Variants in SERINC5 observed in about 807,000 individuals in gnomAD.
The protein encoded by SERINC5 is serine incorporator 5.
In SERINC5, 41 loss-of-function variants were observed where a neutral mutation model predicts 63.1. That is an observed-to-expected ratio of 0.65 (90% CI 0.51 to 0.84). The LOEUF is 0.84. Ranked by LOEUF, SERINC5 falls within the 40% of genes least tolerant of loss-of-function variation. The pLI is 0.00. For missense variants in SERINC5, 523 were observed against 573.0 expected (o/e 0.91, Z 0.89); for synonymous variants, 222 against 215.2 (o/e 1.03, Z -0.28).
intron 1 of SERINC5, among the ~76,000 whole-genome samples, chr5:80,229,151 G>A (rs1751315530): frequency 6.8e-6 from 1 of 147,368 alleles, no homozygotes; most frequent in Non-Finnish European, 1.5e-5. Context: ...AGCCTCCCCA[G>A]TAGCTAGGAT....
At chr5:80,210,377 C>T (rs955706418) in intron 1 of SERINC5, among the ~76,000 whole-genome samples, 12 of 152,112 alleles carry the variant, frequency 7.9e-5, no homozygotes, top group Admixed American at 5.2e-4. Context: ...GGACCAGCCC[C>T]GCAACACACA....
chr5:80,135,863 A>C (rs757125477), downstream of SERINC5, among the ~76,000 whole-genome samples: 1 of 151,366 alleles, frequency 6.6e-6, no homozygotes, highest in Non-Finnish European at 1.5e-5. Flanking sequence ...ATCAGTATCT[A>C]TGTGGGAAGA....
At chr5:80,177,285 A>G (rs1227241575) in intron 4 of SERINC5, 30 bp downstream of exon 4, 4 of 1,519,066 alleles carry the variant, frequency 2.6e-6, no homozygotes, top group Non-Finnish European at 3.6e-6. Context: ...AAAACAAAAT[A>G]AACAGATACC....
At chr5:80,232,241 A>T (rs1013390607) in intron 1 of SERINC5, among the ~76,000 whole-genome samples, 2 of 150,622 alleles carry the variant, frequency 1.3e-5, no homozygotes, top group Admixed American at 1.3e-4. Context: ...TGTCTCTACT[A>T]AAAATACAAA....
intron 2 of SERINC5, 100 bp from the exon 3 acceptor site, chr5:80,178,164 G>T: frequency 1.5e-6 from 1 of 646,142 alleles, no homozygotes; most frequent in South Asian, 2.3e-5. Context: ...CTGTGGAAAT[G>T]GATCGTGTGC....
At chr5:80,189,381 C>G (rs932382765) in intron 2 of SERINC5, among the ~76,000 whole-genome samples, 4 of 152,142 alleles carry the variant, frequency 2.6e-5, no homozygotes, top group Non-Finnish European at 4.4e-5. Context: ...CAACCAAAGC[C>G]GGGAAGAGAG....
chr5:80,125,131 A>T (rs1458325636), intron 11 of SERINC5, among the ~76,000 whole-genome samples: 4 of 152,234 alleles, frequency 2.6e-5, no homozygotes, highest in Admixed American at 2.0e-4. Context: ...GCATCCATCC[A>T]TTCATTCATT....
Position 80,131,499 on chromosome 5 carries a change from A to G in SERINC5, c.1238+14591T>C, listed in dbSNP as rs570618876. On this transcript the variant is annotated intron_variant, in intron 11 of 12. Coordinates refer to the SERINC5 transcript ENST00000509193. ...CAAGGGAGAAGCATTCCAGTATGGG[A>G]AAGAGTGTGTGCAGAGAGCCTGCGG... Among the ~76,000 whole-genome samples, 5 of 152,288 alleles carry G rather than the reference A, an allele frequency of 3.3e-5. No homozygotes were observed. In the East Asian group the frequency reaches 5.8e-4, roughly 18 times the overall value.
chr5:80,208,997 G>A (rs896129360), intron 1 of SERINC5, among the ~76,000 whole-genome samples: 7 of 152,294 alleles, frequency 4.6e-5, no homozygotes, highest in Middle Eastern at 3.4e-3. Context: ...TAGACCAGGC[G>A]CGGTGGATCA....
chr5:80,192,260 T>C (rs1368149342), intron 2 of SERINC5, among the ~76,000 whole-genome samples: 1 of 152,176 alleles, frequency 6.6e-6, no homozygotes, highest in African/African-American at 2.4e-5. Flanking sequence ...AAGTGACAAC[T>C]GGTGATAACT....
At chr5:80,197,367 G>A (rs548557023) in intron 2 of SERINC5, among the ~76,000 whole-genome samples, 14 of 107,214 alleles carry the variant, frequency 1.3e-4, no homozygotes, top group Admixed American at 4.0e-4. Context: ...GAGAGAGAAC[G>A]GACCAGACAC....
chr5:80,171,539 T>C (rs1747657016), intron 5 of SERINC5, among the ~76,000 whole-genome samples: 1 of 151,722 alleles, frequency 6.6e-6, no homozygotes, highest in South Asian at 2.1e-4. Flanking sequence ...TTAAAAAAAG[T>C]TAAATAGATA....
rs1745541171 is a variant in SERINC5, at chr5:80,142,063, G to A, written c.*1600C>T. Reference sequence around the variant, plus strand: ...CAATTCTGCCCAACTCATACAGTAGGGCACAGAAAAAAATGACTAGGCTGA... The same window carrying A: ...CAATTCTGCCCAACTCATACAGTAGAGCACAGAAAAAAATGACTAGGCTGA... On this transcript the variant is annotated 3_prime_UTR_variant, in exon 12 of 12. Transcript: ENST00000507668. 3.0e-6 allele frequency: 3 copies of A among 985,086 alleles called. No homozygotes were observed. Among genetic ancestry groups the A allele is most frequent in the Non-Finnish European group, 3.6e-6 (3 of 829,882 alleles). The allele number at this position is 985,086 out of a possible 1,614,324, so 61.0% of individuals were successfully genotyped here.
chr5:80,126,450 C>G lies in SERINC5; in HGVS notation c.1239-12825G>C, dbSNP rs140467496. 2.3e-3 allele frequency among the ~76,000 whole-genome samples: 350 copies of G among 152,302 alleles called. 4 individuals are homozygous for G. The highest frequency in any genetic ancestry group is 7.9e-3 in the African/African-American group (330 of 41,566). On this transcript the variant is annotated intron_variant, in intron 11 of 12. Transcript: ENST00000509193. ...AGAATATATCTTTTAGTGCTAGATG[C>G]TTCTAAGCCTTTCTCCACCCAACTA...
At chr5:80,229,205 GTA>G (rs1424025665) in intron 1 of SERINC5, among the ~76,000 whole-genome samples, 2 of 151,670 alleles carry the variant, frequency 1.3e-5, no homozygotes, top group African/African-American at 4.8e-5. Flanking sequence ...TGTATTTTTA[GTA>G]GAGATGGGGT....
chr5:80,147,700 T>C (rs777903514), intron 9 of SERINC5, among the ~76,000 whole-genome samples: 1 of 152,114 alleles, frequency 6.6e-6, no homozygotes, highest in Non-Finnish European at 1.5e-5. Flanking sequence ...CCCTCCCACA[T>C]GTGCTGACTT....
At chr5:80,221,784 A>T in intron 1 of SERINC5, among the ~76,000 whole-genome samples, 1 of 122,370 alleles carries the variant, frequency 8.2e-6, no homozygotes, top group Admixed American at 8.6e-5. Flanking sequence ...AAAGCAAGAC[A>T]ACTTTAGCAA....
intron 11 of SERINC5, among the ~76,000 whole-genome samples, chr5:80,120,620 C>A (rs1370332359): frequency 6.6e-6 from 1 of 152,014 alleles, no homozygotes; most frequent in East Asian, 1.9e-4. Context: ...TTGAGACCAG[C>A]CTGGCCAACA....
rs772651792 is a variant in SERINC5 at position 80,253,332 on chromosome 5, C to T, written c.27+2564G>A. Among the ~76,000 whole-genome samples, 45 of 152,178 alleles carry T rather than the reference C, an allele frequency of 3.0e-4. 1 individual carries two copies. Among genetic ancestry groups the T allele is most frequent in the Non-Finnish European group, 1.0e-4 (7 of 68,034 alleles). On this transcript the variant is annotated intron_variant, in intron 1 of 11. Coordinates refer to ENST00000507668, the MANE Select transcript of SERINC5 (RefSeq NM_001174072.3). ...AAAGGATTTTTGTTCACTGCCGAAG[C>T]CTAGAACACTGCTTGCCCCTAAGAG... is the stretch of plus-strand genomic sequence containing the variant.
Sources: gnomAD v4.1 joint callset for allele counts (sites outside exome capture counted in the v4.1 genomes callset) on GRCh38, gnomAD v4.1.1 for gene constraint, MANE v1.5 for transcripts, NCBI Gene and HGNC (gene_info 2026-07-23, HGNC 2026-07-21) for gene names.